Variants in SLC24A2 observed in about 807,000 individuals in gnomAD.
SLC24A2 encodes sodium/potassium/calcium exchanger 2.
SLC24A2 carries 36 observed loss-of-function variants against 62.0 expected under a neutral mutation model. The observed-to-expected ratio is 0.58, with a 90% confidence interval of 0.44 to 0.77. SLC24A2 has a LOEUF of 0.77. Ranked by LOEUF, SLC24A2 falls within the 30% of genes least tolerant of loss-of-function variation. The probability of loss-of-function intolerance (pLI) is 0.00; values close to 1 mark genes in which losing one functional copy is unlikely to be tolerated. For synonymous variants in SLC24A2, 358 were observed against 294.0 expected (o/e 1.22, Z -2.23); for missense variants, 846 against 817.9 (o/e 1.03, Z -0.42).
chr9:20,130,655 G>T, the SLC24A2 span, among the ~76,000 whole-genome samples: 1 of 152,100 alleles, frequency 6.6e-6, no homozygotes, highest in Non-Finnish European at 1.5e-5. Context: ...GTTTATGAGG[G>T]AAGCCATTGC....
At chr9:19,755,695 C>T (rs1459379242) in intron 2 of SLC24A2, among the ~76,000 whole-genome samples, 2 of 152,160 alleles carry the variant, frequency 1.3e-5, no homozygotes, top group African/African-American at 4.8e-5. Flanking sequence ...AGCAAAGCAA[C>T]ACTTCTTAAG....
intron 7 of SLC24A2, among the ~76,000 whole-genome samples, chr9:19,557,369 G>A (rs1835146775): frequency 6.6e-6 from 1 of 152,196 alleles, no homozygotes; most frequent in Admixed American, 6.5e-5. Context: ...TGGAAGGCCT[G>A]GGGGTGTTTT....
the SLC24A2 span, among the ~76,000 whole-genome samples, chr9:20,033,089 A>G: frequency 0.66 from 100,243 of 152,024 alleles, 33,819 homozygotes; most frequent in East Asian, 0.95. Context: ...TTAGATTTTC[A>G]GGGTTTAGAA....
At chr9:19,751,435 C>T (rs1327270567) in intron 2 of SLC24A2, among the ~76,000 whole-genome samples, 1 of 152,134 alleles carries the variant, frequency 6.6e-6, no homozygotes, top group Non-Finnish European at 1.5e-5. Flanking sequence ...TGAGTGGGTT[C>T]CAGCCCACTG....
At chr9:20,201,932 T>G in the SLC24A2 span, among the ~76,000 whole-genome samples, 1 of 150,784 alleles carries the variant, frequency 6.6e-6, no homozygotes, top group Non-Finnish European at 1.5e-5. Context: ...ACTGGAAGAG[T>G]AAGAAAAATA....
the SLC24A2 span, among the ~76,000 whole-genome samples, chr9:19,810,644 G>A: frequency 6.6e-6 from 1 of 152,302 alleles, no homozygotes; most frequent in Non-Finnish European, 1.5e-5. Context: ...TTCAGTTAAT[G>A]CGTCCGCTTA....
the SLC24A2 span, among the ~76,000 whole-genome samples, chr9:20,222,523 T>G: frequency 6.6e-6 from 1 of 152,108 alleles, no homozygotes. Flanking sequence ...ATATCAATGT[T>G]TGTATCACAT....
the SLC24A2 span, among the ~76,000 whole-genome samples, chr9:20,085,341 T>C: frequency 0.016 from 2,504 of 152,298 alleles, 68 homozygotes; most frequent in African/African-American, 0.056. Flanking sequence ...GCTTTAATTA[T>C]TAATGAATAA....
At chr9:20,108,101 C>G in the SLC24A2 span, among the ~76,000 whole-genome samples, 1 of 152,194 alleles carries the variant, frequency 6.6e-6, no homozygotes, top group Admixed American at 6.5e-5. Flanking sequence ...TGAAAAAATG[C>G]TCACCATCGC....
intron 10 of SLC24A2, among the ~76,000 whole-genome samples, chr9:19,520,331 T>C (rs1449358630): frequency 6.6e-6 from 1 of 152,240 alleles, no homozygotes. Flanking sequence ...TTAGTGATTA[T>C]TCATACTGAG....
chr9:19,570,530 A>G (rs1835807809), intron 7 of SLC24A2, among the ~76,000 whole-genome samples: 1 of 152,140 alleles, frequency 6.6e-6, no homozygotes, highest in Admixed American at 6.5e-5. Flanking sequence ...TACCCTGAAT[A>G]CTCCCCAAAT....
At chr9:20,224,997 A>G in the SLC24A2 span, among the ~76,000 whole-genome samples, 1 of 151,964 alleles carries the variant, frequency 6.6e-6, no homozygotes, top group Non-Finnish European at 1.5e-5. Flanking sequence ...CTCCTCCACA[A>G]TTTCCTGAGG....
At chr9:19,870,997 A>C in the SLC24A2 span, among the ~76,000 whole-genome samples, 5 of 151,954 alleles carry the variant, frequency 3.3e-5, no homozygotes, top group African/African-American at 1.2e-4. Context: ...TGATGTACAA[A>C]ACTTTTAATT....
At chr9:20,110,939 G>C in the SLC24A2 span, among the ~76,000 whole-genome samples, 1 of 152,046 alleles carries the variant, frequency 6.6e-6, no homozygotes, top group African/African-American at 2.4e-5. Context: ...GGTTTAATTG[G>C]CAGCACTTTT....
chr9:19,558,121 C>CT (rs1835188805), intron 7 of SLC24A2, among the ~76,000 whole-genome samples: 1 of 152,082 alleles, frequency 6.6e-6, no homozygotes, highest in African/African-American at 2.4e-5. Context: ...CCTTAAAAAG[C>CT]TGATAAGAAA....
chr9:19,679,838 CTGTGTGTGTGTGTGTGTGTG>C (rs58253967), intron 2 of SLC24A2, among the ~76,000 whole-genome samples: 3 of 142,386 alleles, frequency 2.1e-5, no homozygotes, highest in East Asian at 4.1e-4. Flanking sequence ...CTCACATATA[CTGTGTGTGTGTGTGTGTGTG>C]TGTGTGTGTG....
At chr9:20,151,439 G>A in the SLC24A2 span, among the ~76,000 whole-genome samples, 1 of 151,730 alleles carries the variant, frequency 6.6e-6, no homozygotes, top group Non-Finnish European at 1.5e-5. Flanking sequence ...TTAGTGCATG[G>A]CCTTCTGTTC....
chr9:19,728,647 C>CA (rs766850540), intron 2 of SLC24A2, among the ~76,000 whole-genome samples: 15 of 151,492 alleles, frequency 9.9e-5, no homozygotes, highest in Non-Finnish European at 2.1e-4. Context: ...ATAACTGCTT[C>CA]AAAAAAAATG....
At chr9:19,565,319 C>T (rs6475354) in intron 7 of SLC24A2, among the ~76,000 whole-genome samples, 129,659 of 141,088 alleles carry the variant, frequency 0.92, 59,722 homozygotes, top group East Asian at 1. Flanking sequence ...TATACACCAA[C>T]AACAGACAAA....
Sources: gnomAD v4.1 joint callset for allele counts (sites outside exome capture counted in the v4.1 genomes callset) on GRCh38, gnomAD v4.1.1 for gene constraint, MANE v1.5 for transcripts, NCBI Gene and HGNC (gene_info 2026-07-23, HGNC 2026-07-21) for gene names.